Variants in AHCY observed in about 807,000 individuals in gnomAD.
AHCY encodes adenosylhomocysteinase.
AHCY carries 24 observed loss-of-function variants against 45.4 expected under a neutral mutation model. The observed-to-expected ratio is 0.53, with a 90% CI of 0.38 to 0.74. The LOEUF is 0.74. Among genes scored for constraint, AHCY ranks in the 30% least tolerant of loss-of-function variants. AHCY has a pLI of 0.00. For synonymous variants in AHCY, 245 were observed against 235.1 expected, an observed-to-expected ratio of 1.04 and a Z score of -0.39; for missense variants, 449 against 594.1, an observed-to-expected ratio of 0.76 and a Z score of 2.54.
the AHCY span, among the ~76,000 whole-genome samples, chr20:34,239,576 G>A: frequency 1.3e-4 from 20 of 152,274 alleles, no homozygotes; most frequent in South Asian, 4.1e-4. Flanking sequence ...TTTTCAAGGC[G>A]TCTACATTAT....
At chr20:34,265,271 C>T in the AHCY span, among the ~76,000 whole-genome samples, 1 of 151,950 alleles carries the variant, frequency 6.6e-6, no homozygotes, top group Non-Finnish European at 1.5e-5. Context: ...ACCTATAATC[C>T]CAGCACTTTG....
chr20:34,306,073 C>A (rs1219928747), upstream of AHCY, among the ~76,000 whole-genome samples: 1 of 104,312 alleles, frequency 9.6e-6, no homozygotes, highest in African/African-American at 3.7e-5. Flanking sequence ...CAGAACAAGA[C>A]TGCCTCAAAA....
chr20:34,253,737 C>T, the AHCY span, among the ~76,000 whole-genome samples: 1 of 152,078 alleles, frequency 6.6e-6, no homozygotes, highest in Non-Finnish European at 1.5e-5. Flanking sequence ...TCCCAAAGTG[C>T]TGGGCTTATA....
chr20:34,291,496 C>T lies in AHCY; in HGVS notation c.481G>A (p.Val161Ile). The change falls in exon 5 of 10, where the codon GTC becomes ATC. Residue 161 changes from valine (V) to isoleucine (I), a missense_variant. Coordinates refer to ENST00000217426, the MANE Select transcript of AHCY (RefSeq NM_000687.4). ...RGISEETTTG[V>I]HNLYKMMANG... Reference sequence around the variant, plus strand: ...GCCATCATCTTGTAGAGGTTGTGGACCCCAGTCGTGGTCTCCTCAGAGATG... The same window carrying T: ...GCCATCATCTTGTAGAGGTTGTGGATCCCAGTCGTGGTCTCCTCAGAGATG... The T allele has an allele frequency of 1.9e-6, 3 of 1,614,136 alleles. No individual in the cohort carries two copies. Among genetic ancestry groups the T allele is most frequent in the East Asian group, 4.5e-5 (2 of 44,884 alleles).
intron 2 of AHCY, among the ~76,000 whole-genome samples, chr20:34,294,699 C>T (rs1020004693): frequency 1.3e-5 from 2 of 152,118 alleles, no homozygotes; most frequent in African/African-American, 2.4e-5. Flanking sequence ...TGTTTGAACG[C>T]GTTCTGCCTG....
rs1456403780 is a variant in AHCY, at chr20:34,302,799, C to G, written c.28+444G>C. The G allele has an allele frequency of 3.0e-6, 3 of 1,011,000 alleles. No individual in the cohort carries two copies. The East Asian group carries it at 3.1e-4, about 103-fold the overall frequency. The allele number at this position is 1,011,000 out of a possible 1,614,324, so 62.6% of individuals were successfully genotyped here. ...CTTTCCAGGCCTCTCCTCATACACCCTCCGGGGTGCCCTCGCCGTCCCTGT... is the reference window on the plus strand; with the variant it reads ...CTTTCCAGGCCTCTCCTCATACACCGTCCGGGGTGCCCTCGCCGTCCCTGT... On this transcript the variant is annotated intron_variant, in intron 1 of 9. Transcript: ENST00000217426.
At chr20:34,258,598 G>A in the AHCY span, among the ~76,000 whole-genome samples, 1 of 136,724 alleles carries the variant, frequency 7.3e-6, no homozygotes, top group Non-Finnish European at 1.5e-5. Flanking sequence ...ATTACTTCCT[G>A]TGAGAAAATA....
At chr20:34,262,511 T>TG in the AHCY span, among the ~76,000 whole-genome samples, 2 of 152,328 alleles carry the variant, frequency 1.3e-5, no homozygotes, top group South Asian at 2.1e-4. Flanking sequence ...AAGGGGCACC[T>TG]GGGGTGGCTC....
the AHCY span, among the ~76,000 whole-genome samples, chr20:34,249,610 C>A: frequency 6.6e-6 from 1 of 152,074 alleles, no homozygotes; most frequent in Non-Finnish European, 1.5e-5. Context: ...CTCCTGTCAC[C>A]ATCTCTTAAT....
At chr20:34,270,014 C>G in the AHCY span, among the ~76,000 whole-genome samples, 1 of 140,894 alleles carries the variant, frequency 7.1e-6, no homozygotes, top group Non-Finnish European at 1.5e-5. Flanking sequence ...GCTGGACGAT[C>G]ACTTGAGGCC....
chr20:34,264,334 C>T, the AHCY span, among the ~76,000 whole-genome samples: 2 of 152,140 alleles, frequency 1.3e-5, no homozygotes, highest in South Asian at 2.1e-4. Context: ...TCAGGTGTTG[C>T]GAGTACGTGC....
the AHCY span, among the ~76,000 whole-genome samples, chr20:34,242,964 A>G: frequency 1.3e-5 from 2 of 152,260 alleles, no homozygotes; most frequent in Non-Finnish European, 2.9e-5. Context: ...TATAGTACCC[A>G]CTAAGGTCTT....
chr20:34,244,770 A>G, the AHCY span, among the ~76,000 whole-genome samples: 1 of 152,202 alleles, frequency 6.6e-6, no homozygotes, highest in East Asian at 1.9e-4. Flanking sequence ...TTTATCAAAT[A>G]ATCTCCAGAA....
At chr20:34,237,669 T>C in the AHCY span, among the ~76,000 whole-genome samples, 5 of 152,300 alleles carry the variant, frequency 3.3e-5, no homozygotes, top group Admixed American at 2.6e-4. Context: ...TTGTTCTAGG[T>C]AGAACTTCCA....
Position 34,285,533 on chromosome 20 carries a change from C to T in AHCY, c.1074G>A (p.Met358Ile), listed in dbSNP as rs1255445162. Residue 358 changes from methionine (M) to isoleucine (I), a missense_variant, in exon 9 of 10, where the codon ATG becomes ATA. By Grantham distance (10) the Met-to-Ile change is conservative. Transcript: ENST00000217426. ...GCAMGHPSFV[M>I]SNSFTNQVMA... Reference sequence around the variant, plus strand: ...TCACCTGGTTGGTGAAGGAGTTACTCATCACGAAGCTGGGGTGGCCCATGG... The same window carrying T: ...TCACCTGGTTGGTGAAGGAGTTACTTATCACGAAGCTGGGGTGGCCCATGG... 6.2e-7 allele frequency: 1 copy of T among 1,614,186 alleles called. No homozygotes were observed. Among genetic ancestry groups the T allele is most frequent in the Admixed American group, 1.7e-5 (1 of 60,026 alleles).
chr20:34,302,462 A>G (rs1386472160), intron 1 of AHCY: 1 of 346,664 alleles, frequency 2.9e-6, no homozygotes, highest in Non-Finnish European at 4.1e-6. Context: ...CATCACCACC[A>G]GCTGTAAGAC....
At chr20:34,242,202 A>ATTTTATTTTATTAT in the AHCY span, among the ~76,000 whole-genome samples, 5 of 151,310 alleles carry the variant, frequency 3.3e-5, no homozygotes, top group African/African-American at 9.7e-5. Flanking sequence ...TTTTTATTTT[A>ATTTTATTTTATTAT]TTTTATTTTA....
chr20:34,304,559 G>A (rs1402717523), upstream of AHCY, among the ~76,000 whole-genome samples: 1 of 145,748 alleles, frequency 6.9e-6, no homozygotes, highest in Non-Finnish European at 1.5e-5. Flanking sequence ...TCACTCTGTC[G>A]CCCACACTGG....
chr20:34,306,964 A>G (rs558837137), upstream of AHCY, among the ~76,000 whole-genome samples: 1 of 152,246 alleles, frequency 6.6e-6, no homozygotes, highest in South Asian at 2.1e-4. Context: ...ACATGAGGAA[A>G]CTTTGTGGTG....
Sources: allele counts gnomAD v4.1 joint callset (sites outside exome capture counted in the v4.1 genomes callset), GRCh38; gene constraint gnomAD v4.1.1; transcripts MANE v1.5; gene names NCBI Gene and HGNC (gene_info 2026-07-23, HGNC 2026-07-21).